Variants in LMBRD1 observed in about 807,000 individuals in gnomAD.
LMBRD1 encodes the protein LMBR1 domain containing 1, also known as lysosomal cobalamin transport escort protein LMBD1.
Under a neutral mutation model 74.8 loss-of-function variants are expected in LMBRD1, and 64 were observed. The observed-to-expected ratio is 0.86, with a 90% CI of 0.70 to 1.05. The LOEUF (loss-of-function observed/expected upper bound fraction) is 1.05, where lower values mean the gene tolerates loss of function less well. Ranked by LOEUF, LMBRD1 falls within the 50% of genes least tolerant of loss-of-function variation. LMBRD1 has a pLI of 0.00. For missense variants in LMBRD1, 652 were observed against 645.9 expected, an observed-to-expected ratio of 1.01 and a Z score of -0.10; for synonymous variants, 204 against 216.3, an observed-to-expected ratio of 0.94 and a Z score of 0.50.
At position 69,697,553 on chromosome 6, in the gene LMBRD1, CTGTTT is replaced by C; in HGVS notation, c.1417+5_1417+9del. ...AAAAAGTTGTAAGTTCTAAAACAAG[CTGTTT>C]TTACCTTCAGGAGCATCTGCATCAC... On this transcript the variant is annotated splice_donor_5th_base_variant and intron_variant, in intron 14 of 15. Transcript: ENST00000649934. 6.4e-7 allele frequency: 1 copy of C among 1,567,158 alleles called. No homozygotes were observed. The highest frequency in any genetic ancestry group is 2.2e-5 in the East Asian group (1 of 44,482).
At chr6:69,751,061 G>C (rs1765137271) in intron 4 of LMBRD1, among the ~76,000 whole-genome samples, 1 of 151,942 alleles carries the variant, frequency 6.6e-6, no homozygotes, top group African/African-American at 2.4e-5. Flanking sequence ...CTAAATTACA[G>C]TGTTCGATTT....
At chr6:69,703,697 C>T (rs887584631) in intron 9 of LMBRD1, among the ~76,000 whole-genome samples, 5 of 151,976 alleles carry the variant, frequency 3.3e-5, no homozygotes, top group African/African-American at 1.2e-4. Flanking sequence ...CTAAAAGCTA[C>T]ATATTATACT....
intron 5 of LMBRD1, among the ~76,000 whole-genome samples, chr6:69,747,947 G>A (rs548103450): frequency 2.6e-5 from 4 of 152,140 alleles, no homozygotes; most frequent in Non-Finnish European, 5.9e-5. Context: ...AAATATTTAC[G>A]TATGATAATG....
chr6:69,747,568 C>A lies in LMBRD1; in HGVS notation c.473+1773G>T, dbSNP rs149792902. 3.4e-3 allele frequency among the ~76,000 whole-genome samples: 515 copies of A among 152,330 alleles called. 5 individuals carry two copies. Among genetic ancestry groups the A allele is most frequent in the African/African-American group, 0.011 (475 of 41,580 alleles). Reference sequence around the variant, plus strand: ...ACTCAAATATTACTTCCTCTTAGATCTCCTGATTCTGCAATGCAGAGTAAG... The same window carrying A: ...ACTCAAATATTACTTCCTCTTAGATATCCTGATTCTGCAATGCAGAGTAAG... On this transcript the variant is annotated intron_variant, in intron 5 of 15. Transcript: ENST00000649934.
In LMBRD1 at chr6:69,732,540, G is replaced by A. The variant is rs553199607; in HGVS notation, c.636+5402C>T. ...TACTGACCTGAACTAAGACATGGAG[G>A]CAAACCAACATTTGATGGGTACAAG... On this transcript the variant is annotated intron_variant, in intron 7 of 15. Transcript: ENST00000649934. 2.6e-5 allele frequency among the ~76,000 whole-genome samples: 4 copies of A among 152,196 alleles called. No homozygotes were observed. The South Asian group carries it at 8.3e-4, about 32-fold the overall frequency.
intron 5 of LMBRD1, chr6:69,745,986 C>G (rs557447847): frequency 3.5e-5 from 8 of 227,382 alleles, no homozygotes; most frequent in Admixed American, 8.6e-5. Flanking sequence ...CTTCAGTGAC[C>G]TTCACTACAC....
chr6:69,714,315 C>A (rs893722970), intron 8 of LMBRD1, among the ~76,000 whole-genome samples: 1 of 151,928 alleles, frequency 6.6e-6, no homozygotes, highest in Non-Finnish European at 1.5e-5. Context: ...TTGCTAAGAA[C>A]TGATACTTCC....
chr6:69,714,039 G>A (rs1341398714), intron 8 of LMBRD1, among the ~76,000 whole-genome samples: 1 of 152,040 alleles, frequency 6.6e-6, no homozygotes, highest in Non-Finnish European at 1.5e-5. Flanking sequence ...ACATGGTAGA[G>A]TTATGTGGAG....
At chr6:69,782,575 G>A (rs762028264) in intron 2 of LMBRD1, among the ~76,000 whole-genome samples, 6 of 152,086 alleles carry the variant, frequency 3.9e-5, no homozygotes, top group South Asian at 2.1e-4. Flanking sequence ...CAGCTTCTTG[G>A]AAGGATGAGG....
At chr6:69,793,910 G>A (rs553918496) in intron 1 of LMBRD1, among the ~76,000 whole-genome samples, 1 of 151,746 alleles carries the variant, frequency 6.6e-6, no homozygotes, top group Non-Finnish European at 1.5e-5. Flanking sequence ...TAGTAGGAAT[G>A]GGGCTTTGCC....
chr6:69,718,339 T>C (rs1029830658), intron 8 of LMBRD1, among the ~76,000 whole-genome samples: 2 of 152,160 alleles, frequency 1.3e-5, no homozygotes, highest in African/African-American at 2.4e-5. Flanking sequence ...TTCTTGATCA[T>C]ACATAAGAAA....
intron 14 of LMBRD1, 145 bp from the exon 15 acceptor site, chr6:69,676,686 C>A (rs1765554368): frequency 1.4e-6 from 1 of 722,006 alleles, no homozygotes; most frequent in Non-Finnish European, 2.4e-6. Context: ...AAACTTAGGT[C>A]TCTCTCCAAA....
At chr6:69,735,394 C>G (rs1433245866) in intron 7 of LMBRD1, among the ~76,000 whole-genome samples, 1 of 151,752 alleles carries the variant, frequency 6.6e-6, no homozygotes, top group African/African-American at 2.4e-5. Context: ...CACAGTGGCC[C>G]TAGCCAGAAA....
At chr6:69,769,116 T>C (rs1765526896) in intron 3 of LMBRD1, among the ~76,000 whole-genome samples, 1 of 152,074 alleles carries the variant, frequency 6.6e-6, no homozygotes, top group Non-Finnish European at 1.5e-5. Context: ...TTCTTTCTCT[T>C]TTCATTCTGA....
intron 7 of LMBRD1, among the ~76,000 whole-genome samples, chr6:69,720,766 CA>C: frequency 6.6e-6 from 1 of 152,084 alleles, no homozygotes; most frequent in Middle Eastern, 3.2e-3. Flanking sequence ...TCACAAGAAC[CA>C]AAAATCCAGT....
intron 7 of LMBRD1, among the ~76,000 whole-genome samples, chr6:69,720,091 T>C (rs1021396001): frequency 6.6e-6 from 1 of 152,230 alleles, no homozygotes; most frequent in South Asian, 2.1e-4. Context: ...TCTAATATTC[T>C]TCACTAAATC....
intron 13 of LMBRD1, among the ~76,000 whole-genome samples, chr6:69,698,779 G>C (rs1766061070): frequency 6.6e-6 from 1 of 151,762 alleles, no homozygotes; most frequent in Non-Finnish European, 1.5e-5. Flanking sequence ...TTTTAATAAA[G>C]TACTAAGGTA....
intron 2 of LMBRD1, among the ~76,000 whole-genome samples, chr6:69,785,737 T>C (rs1033677175): frequency 6.6e-5 from 10 of 152,356 alleles, no homozygotes; most frequent in African/African-American, 1.9e-4. Context: ...TAACTTCATA[T>C]TGCAGTTAGG....
intron 14 of LMBRD1, among the ~76,000 whole-genome samples, chr6:69,683,965 A>C (rs958955698): frequency 3.9e-5 from 6 of 152,108 alleles, no homozygotes; most frequent in African/African-American, 1.4e-4. Context: ...ACCAGCAATG[A>C]CACTTCCCAG....
Sources: allele counts gnomAD v4.1 joint callset (sites outside exome capture counted in the v4.1 genomes callset), GRCh38; gene constraint gnomAD v4.1.1; transcripts MANE v1.5; gene names NCBI Gene and HGNC (gene_info 2026-07-23, HGNC 2026-07-21).